ADCY9: variants seen among roughly 807,000 people sequenced by gnomAD.
The protein encoded by ADCY9 is adenylate cyclase 9, also known as adenylate cyclase type 9.
In ADCY9, 50 loss-of-function variants were observed where a neutral mutation model predicts 101.5. The observed-to-expected ratio is 0.49, with a 90% CI of 0.39 to 0.62. ADCY9 has a LOEUF of 0.62. Ranked by LOEUF, ADCY9 falls within the 20% of genes least tolerant of loss-of-function variation. The probability of loss-of-function intolerance (pLI) is 0.00; values close to 1 mark genes in which losing one functional copy is unlikely to be tolerated. For synonymous variants in ADCY9, 905 were observed against 769.3 expected, an observed-to-expected ratio of 1.18 and a Z score of -2.92; for missense variants, 1,662 against 1,800.4, an observed-to-expected ratio of 0.92 and a Z score of 1.39.
At chr16:3,980,723 G>A (rs2056134330) in intron 7 of ADCY9, among the ~76,000 whole-genome samples, 1 of 152,204 alleles carries the variant, frequency 6.6e-6, no homozygotes, top group Admixed American at 6.5e-5. Flanking sequence ...ATATTTAAAG[G>A]ATAATGAAGA....
intron 2 of ADCY9, among the ~76,000 whole-genome samples, chr16:4,089,424 C>T (rs991772685): frequency 1.3e-5 from 2 of 152,086 alleles, no homozygotes; most frequent in Admixed American, 1.3e-4. Context: ...TGCTATCCTA[C>T]AGAGGTGCTA....
intron 8 of ADCY9, among the ~76,000 whole-genome samples, chr16:3,978,803 T>C (rs2056114914): frequency 6.6e-6 from 1 of 152,228 alleles, no homozygotes; most frequent in African/African-American, 2.4e-5. Context: ...CACTGCAACC[T>C]CTGCCTCCCA....
At chr16:4,065,559 G>T (rs1475258280) in intron 2 of ADCY9, among the ~76,000 whole-genome samples, 3 of 152,068 alleles carry the variant, frequency 2.0e-5, no homozygotes, top group African/African-American at 7.2e-5. Context: ...CGAGGCCCAT[G>T]GCTTTATTTT....
At chr16:4,067,103 TA>T (rs1432174965) in intron 2 of ADCY9, among the ~76,000 whole-genome samples, 2 of 151,714 alleles carry the variant, frequency 1.3e-5, no homozygotes, top group African/African-American at 4.8e-5. Flanking sequence ...TGAAATAACT[TA>T]AAAAAAATTA....
At chr16:4,098,246 G>C (rs2057020834) in intron 2 of ADCY9, among the ~76,000 whole-genome samples, 1 of 151,138 alleles carries the variant, frequency 6.6e-6, no homozygotes, top group African/African-American at 2.4e-5. Flanking sequence ...TTTTGTTTTT[G>C]GTTTTTTTTT....
chr16:4,087,543 TAAAAA>T (rs55706713), intron 2 of ADCY9, among the ~76,000 whole-genome samples: 4 of 118,194 alleles, frequency 3.4e-5, no homozygotes, highest in Non-Finnish European at 7.0e-5. Flanking sequence ...CTCAAAAAGA[TAAAAA>T]AAAAAAAAAA....
intron 2 of ADCY9, among the ~76,000 whole-genome samples, chr16:4,050,713 C>CAAAAAAA (rs5815192): frequency 2.9e-5 from 2 of 69,632 alleles, no homozygotes; most frequent in Non-Finnish European, 5.1e-5. Flanking sequence ...AACTCCGTCT[C>CAAAAAAA]AAAAAAAAAA....
chr16:4,084,203 C>G (rs1220454615), intron 2 of ADCY9, among the ~76,000 whole-genome samples: 2 of 152,128 alleles, frequency 1.3e-5, no homozygotes, highest in Non-Finnish European at 2.9e-5. Context: ...CCTCCGCCTC[C>G]TGGGTTCAAG....
chr16:3,993,907 G>A (rs1024392005), intron 3 of ADCY9, among the ~76,000 whole-genome samples: 3 of 152,120 alleles, frequency 2.0e-5, no homozygotes, highest in South Asian at 2.1e-4. Flanking sequence ...ACGTGATCCC[G>A]TCTATGTGAA....
At chr16:4,111,106 C>T (rs193184919) in intron 2 of ADCY9, among the ~76,000 whole-genome samples, 94 of 152,302 alleles carry the variant, frequency 6.2e-4, no homozygotes, top group Admixed American at 1.8e-3. Flanking sequence ...AAAGCCTGTT[C>T]GGATAAATTT....
At chr16:4,038,595 A>C (rs1457266245) in intron 2 of ADCY9, among the ~76,000 whole-genome samples, 1 of 152,136 alleles carries the variant, frequency 6.6e-6, no homozygotes, top group Non-Finnish European at 1.5e-5. Context: ...AAACGGACTG[A>C]GATACCGTGT....
chr16:4,001,917 T>C (rs1219939943), intron 3 of ADCY9, among the ~76,000 whole-genome samples: 1 of 152,000 alleles, frequency 6.6e-6, no homozygotes, highest in South Asian at 2.1e-4. Flanking sequence ...CCCGGCTAAT[T>C]TTTAAATTTT....
chr16:4,085,731 C>G (rs141488620), intron 2 of ADCY9, among the ~76,000 whole-genome samples: 1 of 152,048 alleles, frequency 6.6e-6, no homozygotes, highest in South Asian at 2.1e-4. Flanking sequence ...TGGGAACTTG[C>G]AGGAATGCAC....
chr16:3,964,617 G>A lies in ADCY9; in HGVS notation c.*1158C>T, dbSNP rs895702879. 6.5e-6 allele frequency: 1 copy of A among 152,710 alleles called. No homozygotes were observed. The highest frequency in any genetic ancestry group is 2.4e-5 in the African/African-American group (1 of 41,472). 9.5% of individuals were successfully genotyped at this position (152,710 alleles called of 1,614,324 possible). A position where few individuals can be genotyped will look rare whatever the true frequency, so the allele number is the denominator to read the frequency against. ...TGCCGGCACAGACCCCCGTGGTTCT[G>A]AGCTGGACCCCGGCAGGGAGGAGCC... On this transcript the variant is annotated 3_prime_UTR_variant, in exon 11 of 11. Coordinates refer to ENST00000294016, the MANE Select transcript of ADCY9 (RefSeq NM_001116.4).
chr16:3,989,590 G>A (rs1312495372), intron 5 of ADCY9, among the ~76,000 whole-genome samples: 1 of 152,188 alleles, frequency 6.6e-6, no homozygotes, highest in Admixed American at 6.5e-5. Context: ...ATGTTGGTCA[G>A]GCTGGTCTCG....
At chr16:3,973,252 A>G in intron 10 of ADCY9, among the ~76,000 whole-genome samples, 1 of 152,102 alleles carries the variant, frequency 6.6e-6, no homozygotes, top group South Asian at 2.1e-4. Context: ...TCTGTCGCCC[A>G]GGCTGGAGTG....
chr16:3,982,749 T>A (rs2056154791), intron 7 of ADCY9: 1 of 160,860 alleles, frequency 6.2e-6, no homozygotes, highest in East Asian at 1.8e-4. Context: ...GCGCAACAGC[T>A]TAACTTCTGA....
intron 2 of ADCY9, among the ~76,000 whole-genome samples, chr16:4,008,243 G>C (rs903048827): frequency 5.3e-5 from 8 of 151,466 alleles, no homozygotes; most frequent in African/African-American, 1.9e-4. Flanking sequence ...CACTTGACCT[G>C]TATCTTTACA....
At chr16:4,027,814 T>C (rs1287621680) in intron 2 of ADCY9, among the ~76,000 whole-genome samples, 3 of 151,356 alleles carry the variant, frequency 2.0e-5, no homozygotes, top group Non-Finnish European at 4.4e-5. Context: ...GAGGCAGAGG[T>C]TGTGGTGAGC....
Sources: allele counts gnomAD v4.1 joint callset (sites outside exome capture counted in the v4.1 genomes callset), GRCh38; gene constraint gnomAD v4.1.1; transcripts MANE v1.5; gene names NCBI Gene and HGNC (gene_info 2026-07-23, HGNC 2026-07-21).